CTNND2: variants seen among roughly 807,000 people sequenced by gnomAD.
CTNND2 encodes catenin delta-2.
A neutral mutation model predicts 144.4 loss-of-function variants in CTNND2; 22 were observed. The ratio of observed to expected loss-of-function variants is 0.15; its 90% CI spans 0.11 to 0.22. The LOEUF (loss-of-function observed/expected upper bound fraction) is 0.22, where lower values mean the gene tolerates loss of function less well. CTNND2 is among the 10% of genes least tolerant of loss of function. CTNND2 has a pLI of 1.00. For synonymous variants in CTNND2, 751 were observed against 695.6 expected (o/e 1.08, Z -1.25); for missense variants, 1,353 against 1,618.8 (o/e 0.84, Z 2.82).
chr5:11,359,659 C>T (rs1019388154), intron 8 of CTNND2, among the ~76,000 whole-genome samples: 5 of 152,172 alleles, frequency 3.3e-5, no homozygotes, highest in Non-Finnish European at 5.9e-5. Context: ...AAAGCACTTT[C>T]TATCTGTCTC....
intron 1 of CTNND2, among the ~76,000 whole-genome samples, chr5:11,785,863 G>T (rs1790800203): frequency 6.6e-6 from 1 of 152,114 alleles, no homozygotes; most frequent in South Asian, 2.1e-4. Context: ...CACCTTTCTG[G>T]GTCTGGAAGC....
intron 1 of CTNND2, among the ~76,000 whole-genome samples, chr5:11,777,847 C>A (rs1790339057): frequency 6.6e-6 from 1 of 152,136 alleles, no homozygotes; most frequent in Non-Finnish European, 1.5e-5. Context: ...ATTAGCTCTC[C>A]CAGGTGATTT....
At chr5:11,233,966 G>A (rs188010628) in intron 10 of CTNND2, among the ~76,000 whole-genome samples, 1 of 152,094 alleles carries the variant, frequency 6.6e-6, no homozygotes, top group East Asian at 1.9e-4. Context: ...AGCCTCCCAG[G>A]TCCCCTGGGA....
chr5:11,625,176 T>C (rs1396580130), intron 2 of CTNND2, among the ~76,000 whole-genome samples: 1 of 152,140 alleles, frequency 6.6e-6, no homozygotes, highest in Non-Finnish European at 1.5e-5. Flanking sequence ...TGTTTCTTGC[T>C]TCTAATCTTC....
At chr5:11,389,126 G>A (rs933247686) in intron 6 of CTNND2, among the ~76,000 whole-genome samples, 2 of 152,192 alleles carry the variant, frequency 1.3e-5, no homozygotes, top group Non-Finnish European at 2.9e-5. Flanking sequence ...TGTTGGCAGA[G>A]ACAATTCTTG....
At chr5:11,220,833 GAC>G (rs1445695457) in intron 10 of CTNND2, among the ~76,000 whole-genome samples, 4 of 152,148 alleles carry the variant, frequency 2.6e-5, no homozygotes, top group African/African-American at 4.8e-5. Flanking sequence ...GTTTCCAGGG[GAC>G]ATACATTTCA....
At chr5:11,145,605 G>T (rs1328284132) in intron 12 of CTNND2, among the ~76,000 whole-genome samples, 1 of 152,014 alleles carries the variant, frequency 6.6e-6, no homozygotes, top group South Asian at 2.1e-4. Flanking sequence ...TGCTATCATG[G>T]GTCCTCTCAT....
intron 2 of CTNND2, among the ~76,000 whole-genome samples, chr5:11,656,153 G>A (rs549868020): frequency 5.4e-4 from 82 of 152,112 alleles, no homozygotes; most frequent in African/African-American, 1.8e-3. Flanking sequence ...GAAGACCCAC[G>A]TTTCAAGCAA....
At chr5:11,721,642 C>G (rs1156885399) in intron 2 of CTNND2, among the ~76,000 whole-genome samples, 1 of 152,222 alleles carries the variant, frequency 6.6e-6, no homozygotes, top group Non-Finnish European at 1.5e-5. Context: ...TGATGGCTCA[C>G]TGGAAAGGTT....
chr5:11,134,479 G>A (rs754285624), intron 12 of CTNND2, among the ~76,000 whole-genome samples: 1 of 152,188 alleles, frequency 6.6e-6, no homozygotes, highest in Non-Finnish European at 1.5e-5. Flanking sequence ...CAGCCATTAC[G>A]TTTGTGGTAA....
At chr5:11,282,312 A>G (rs752804288) in intron 9 of CTNND2, among the ~76,000 whole-genome samples, 12 of 152,196 alleles carry the variant, frequency 7.9e-5, no homozygotes, top group Non-Finnish European at 1.5e-4. Flanking sequence ...GTGCTAAATA[A>G]TTACGAGTTT....
intron 3 of CTNND2, among the ~76,000 whole-genome samples, chr5:11,425,720 C>T (rs1762722044): frequency 6.6e-6 from 1 of 152,202 alleles, no homozygotes; most frequent in African/African-American, 2.4e-5. Context: ...AAACCCACTC[C>T]CCTTAACTGC....
chr5:11,517,240 C>T (rs1772249104), intron 3 of CTNND2, among the ~76,000 whole-genome samples: 3 of 152,178 alleles, frequency 2.0e-5, no homozygotes, highest in Admixed American at 2.0e-4. Flanking sequence ...CATAACTTTA[C>T]ATCTATTTTA....
intron 12 of CTNND2, among the ~76,000 whole-genome samples, chr5:11,146,669 G>T (rs372014833): frequency 1.3e-5 from 2 of 152,286 alleles, no homozygotes; most frequent in African/African-American, 4.8e-5. Flanking sequence ...TCCTTCAGAT[G>T]AGGTGGTTGA....
chr5:11,152,892 G>C (rs1277943133), intron 12 of CTNND2, among the ~76,000 whole-genome samples: 3 of 152,182 alleles, frequency 2.0e-5, no homozygotes, highest in African/African-American at 7.2e-5. Context: ...AAATGGGGTG[G>C]AGTGGGGTGA....
chr5:11,361,687 T>C (rs993390204), intron 8 of CTNND2, among the ~76,000 whole-genome samples: 7 of 152,168 alleles, frequency 4.6e-5, no homozygotes, highest in Non-Finnish European at 8.8e-5. Flanking sequence ...TCAGTTAGCT[T>C]CTCCTTTTAG....
rs1738517110 is a variant in CTNND2 at position 11,210,506 on chromosome 5, C to T, written c.1762-10845G>A. On this transcript the variant is annotated intron_variant, in intron 10 of 21. Coordinates refer to ENST00000304623, the MANE Select transcript of CTNND2 (RefSeq NM_001332.4). Reference sequence around the variant, plus strand: ...ACTTTTTAAAAGAAATAGTCATCTCCCTTGAGCATAAATATCTACTTTTTA... The same window carrying T: ...ACTTTTTAAAAGAAATAGTCATCTCTCTTGAGCATAAATATCTACTTTTTA... Among the ~76,000 whole-genome samples, 2 of 152,196 alleles carry T rather than the reference C, an allele frequency of 1.3e-5. 1 individual carries two copies. The highest frequency in any genetic ancestry group is 1.3e-4 in the Admixed American group (2 of 15,276).
chr5:11,505,902 G>A (rs1023647719), intron 3 of CTNND2, among the ~76,000 whole-genome samples: 2 of 152,070 alleles, frequency 1.3e-5, no homozygotes, highest in South Asian at 2.1e-4. Flanking sequence ...TGCCAGCTGC[G>A]TTGGGTTTTC....
intron 15 of CTNND2, among the ~76,000 whole-genome samples, chr5:11,089,867 G>A (rs1419363350): frequency 6.6e-6 from 1 of 152,162 alleles, no homozygotes; most frequent in Non-Finnish European, 1.5e-5. Flanking sequence ...AAAATTAGCT[G>A]GGCTTGGCCC....
Sources: allele counts gnomAD v4.1 joint callset (sites outside exome capture counted in the v4.1 genomes callset), GRCh38; gene constraint gnomAD v4.1.1; transcripts MANE v1.5; gene names NCBI Gene and HGNC (gene_info 2026-07-23, HGNC 2026-07-21).